Variants in ALDH1L2 observed in about 807,000 individuals in gnomAD.
ALDH1L2 encodes the protein mitochondrial 10-formyltetrahydrofolate dehydrogenase.
A neutral mutation model predicts 111.0 loss-of-function variants in ALDH1L2; 91 were observed. The ratio of observed to expected loss-of-function variants is 0.82; its 90% CI spans 0.69 to 0.98. The LOEUF is 0.98. ALDH1L2 is among the 50% of genes least tolerant of loss of function. The pLI is 0.00. For synonymous variants in ALDH1L2, 374 were observed against 392.6 expected, an observed-to-expected ratio of 0.95 and a Z score of 0.56; for missense variants, 995 against 1,126.8, an observed-to-expected ratio of 0.88 and a Z score of 1.67.
At chr12:105,066,984 T>C (rs1056826890) in intron 4 of ALDH1L2, among the ~76,000 whole-genome samples, 2 of 151,794 alleles carry the variant, frequency 1.3e-5, no homozygotes, top group African/African-American at 4.8e-5. Context: ...ATCCCAGCAC[T>C]TTGGGAGGCC....
chr12:105,077,340 G>A (rs549407851), intron 1 of ALDH1L2, among the ~76,000 whole-genome samples: 4 of 150,730 alleles, frequency 2.7e-5, no homozygotes, highest in East Asian at 1.9e-4. Flanking sequence ...GCGCCATCTC[G>A]GCTCACTGCA....
chr12:105,061,905 G>A (rs988644375), intron 7 of ALDH1L2, among the ~76,000 whole-genome samples, 153 bp from the exon 8 acceptor site: 1 of 152,162 alleles, frequency 6.6e-6, no homozygotes, highest in Non-Finnish European at 1.5e-5. Context: ...TGTGTAAAAG[G>A]GCTGAAATGG....
At chr12:105,067,079 G>A (rs1877402454) in intron 4 of ALDH1L2, among the ~76,000 whole-genome samples, 1 of 152,008 alleles carries the variant, frequency 6.6e-6, no homozygotes, top group Non-Finnish European at 1.5e-5. Flanking sequence ...AGCCGGGCGT[G>A]GTGGTGGGCG....
intron 1 of ALDH1L2, among the ~76,000 whole-genome samples, chr12:105,083,609 A>G (rs1878429694): frequency 6.6e-6 from 1 of 150,810 alleles, no homozygotes; most frequent in Non-Finnish European, 1.5e-5. Context: ...TACGATACAT[A>G]AGACAGTTTT....
intron 1 of ALDH1L2, 47 bp from the exon 2 acceptor site, chr12:105,074,052 C>T (rs566497108): frequency 6.2e-7 from 1 of 1,610,406 alleles, no homozygotes; most frequent in East Asian, 2.2e-5. Flanking sequence ...ATAGAAGACA[C>T]TGGATGAGGG....
intron 18 of ALDH1L2, among the ~76,000 whole-genome samples, chr12:105,035,698 T>C (rs1874946507): frequency 6.6e-6 from 1 of 151,852 alleles, no homozygotes; most frequent in South Asian, 2.1e-4. Context: ...GTTTGAGAAA[T>C]CTTTGAAATG....
At chr12:105,045,437 A>G (rs1276295603) in intron 15 of ALDH1L2, among the ~76,000 whole-genome samples, 7 of 151,694 alleles carry the variant, frequency 4.6e-5, no homozygotes, top group Non-Finnish European at 1.0e-4. Context: ...ATACACATAT[A>G]TAATACTATA....
chr12:105,062,899 C>G lies in ALDH1L2; in HGVS notation c.910G>C (p.Asp304His). The G allele has an allele frequency of 6.2e-7, 1 of 1,610,294 alleles. No homozygotes were observed. The change falls in exon 7 of 23, where the codon GAT (aspartate) becomes CAT (histidine). Residue 304 changes from aspartate (D) to histidine (H), a missense_variant. Transcript: ENST00000258494. Reference protein sequence around the residue: ...TKNGLVLFGNDGKALTVRNLQ... With the variant: ...TKNGLVLFGNHGKALTVRNLQ... ...TATTTAACACTCACTGCTTTTCCAT[C>G]GTTACCAAAAAGAACAAGTCCATTT...
At chr12:105,055,606 C>T (rs1023823897) in intron 10 of ALDH1L2, among the ~76,000 whole-genome samples, 10 of 152,128 alleles carry the variant, frequency 6.6e-5, no homozygotes, top group African/African-American at 7.2e-5. Context: ...GAAGCCTAGA[C>T]ATTGGATTTG....
Position 105,034,293 on chromosome 12 carries a change from GC to G in ALDH1L2, c.2244+6del. Reference sequence around the variant, plus strand: ...AACAACTCAGAGTAAATGTGAAGGTGCCTCACCACTCTTGTCACAAATTCGT... The same window carrying G: ...AACAACTCAGAGTAAATGTGAAGGTGCTCACCACTCTTGTCACAAATTCGT... On this transcript the variant is annotated splice_donor_region_variant and intron_variant, in intron 19 of 22. Coordinates refer to ENST00000258494, the MANE Select transcript of ALDH1L2 (RefSeq NM_001034173.4). 6.2e-7 allele frequency: 1 copy of G among 1,613,188 alleles called. No individual in the cohort carries two copies. Among genetic ancestry groups the G allele is most frequent in the Non-Finnish European group, 8.5e-7 (1 of 1,179,462 alleles).
chr12:105,043,881 C>T (rs1875683186), intron 15 of ALDH1L2, among the ~76,000 whole-genome samples: 1 of 152,274 alleles, frequency 6.6e-6, no homozygotes, highest in South Asian at 2.1e-4. Context: ...CCAGACCACA[C>T]TAGGCCATGA....
chr12:105,024,352 A>G lies in ALDH1L2; in HGVS notation c.*72T>C, dbSNP rs7303849. ...TGGCTGACACCTCCTGCCTCAACACACCCAATCTTCTTAAGTGTGTCCAGA... is the reference window on the plus strand; with the variant it reads ...TGGCTGACACCTCCTGCCTCAACACGCCCAATCTTCTTAAGTGTGTCCAGA... On this transcript the variant is annotated 3_prime_UTR_variant, in exon 23 of 23. Transcript: ENST00000258494. 5,694 of 1,575,130 alleles carry G rather than the reference A, an allele frequency of 3.6e-3. 173 individuals carry two copies. The African/African-American group carries it at 0.063, about 17-fold the overall frequency.
At position 105,052,843 on chromosome 12, in the gene ALDH1L2, G is replaced by A. The variant is rs747266332; in HGVS notation, c.1376C>T (p.Thr459Ile). ...GQFTDADDGKTYDTINPTDGS... is the reference protein window; with the variant it reads ...GQFTDADDGKIYDTINPTDGS... ...ATCTGTTGGGTTGATAGTGTCGTAA[G>A]TCTTTCCATCGTCTGCATCTGTGAA... The change falls in exon 11 of 23, where the codon ACT (threonine) becomes ATT (isoleucine). Residue 459 changes from threonine to isoleucine, a missense_variant. Transcript: ENST00000258494. 6.2e-7 allele frequency: 1 copy of A among 1,614,152 alleles called. No homozygotes were observed. The highest frequency in any genetic ancestry group is 1.7e-5 in the Admixed American group (1 of 60,026).
intron 8 of ALDH1L2, 124 bp from the exon 9 acceptor site, chr12:105,061,196 A>G: frequency 1.2e-6 from 1 of 817,692 alleles, no homozygotes; most frequent in Non-Finnish European, 2.0e-6. Context: ...ATACAGCTGG[A>G]TCACATTTCT....
intron 2 of ALDH1L2, among the ~76,000 whole-genome samples, chr12:105,073,298 C>CT (rs1877845449): frequency 6.6e-6 from 1 of 152,202 alleles, no homozygotes; most frequent in Admixed American, 6.5e-5. Flanking sequence ...AGAACACACG[C>CT]TGTTACCCAC....
chr12:105,081,732 C>A (rs866951465), intron 1 of ALDH1L2, among the ~76,000 whole-genome samples: 11 of 152,136 alleles, frequency 7.2e-5, no homozygotes, highest in African/African-American at 2.7e-4. Flanking sequence ...ATTTCTAAGT[C>A]CTTTTATTTA....
At chr12:105,052,668 G>T in intron 11 of ALDH1L2, 144 bp downstream of exon 11, 1 of 998,400 alleles carries the variant, frequency 1.0e-6, no homozygotes. Flanking sequence ...GTCATTGAAA[G>T]AAAAGCATGA....
intron 10 of ALDH1L2, among the ~76,000 whole-genome samples, chr12:105,057,657 C>A (rs1876715615): frequency 6.6e-6 from 1 of 152,104 alleles, no homozygotes; most frequent in African/African-American, 2.4e-5. Context: ...AAACAAAAAG[C>A]CACATGTTGT....
At chr12:105,028,862 A>G (rs1343937572) in intron 21 of ALDH1L2, among the ~76,000 whole-genome samples, 1 of 152,210 alleles carries the variant, frequency 6.6e-6, no homozygotes, top group East Asian at 1.9e-4. Flanking sequence ...ATTGTTACCA[A>G]ACCATACTCT....
Sources: allele counts gnomAD v4.1 joint callset (sites outside exome capture counted in the v4.1 genomes callset), GRCh38; gene constraint gnomAD v4.1.1; transcripts MANE v1.5; gene names NCBI Gene and HGNC (gene_info 2026-07-23, HGNC 2026-07-21).